SAXO1: variants seen among roughly 807,000 people sequenced by gnomAD.
SAXO1 encodes 4930500O09Rik.
Under a neutral mutation model 17.5 loss-of-function variants are expected in SAXO1, and 21 were observed. The ratio of observed to expected loss-of-function variants is 1.20; its 90% CI spans 0.85 to 1.72. The LOEUF (loss-of-function observed/expected upper bound fraction) is 1.72, where lower values mean the gene tolerates loss of function less well. Among genes scored for constraint, SAXO1 ranks in the 40% most tolerant of loss-of-function variants. The pLI, the probability that SAXO1 is intolerant of heterozygous loss-of-function variation, is 0.00. For missense variants in SAXO1, 843 were observed against 596.0 expected (o/e 1.41, Z -4.32); for synonymous variants, 274 against 216.5 (o/e 1.27, Z -2.33).
At chr9:18,995,008 T>C (rs1005992592) in intron 1 of SAXO1, among the ~76,000 whole-genome samples, 12 of 152,214 alleles carry the variant, frequency 7.9e-5, no homozygotes, top group African/African-American at 2.9e-4. Flanking sequence ...CATTAGACCA[T>C]CCAGGAAGAG....
At chr9:18,946,050 G>C (rs534186660) in intron 2 of SAXO1, among the ~76,000 whole-genome samples, 2 of 152,208 alleles carry the variant, frequency 1.3e-5, no homozygotes, top group African/African-American at 4.8e-5. Flanking sequence ...GCCAAGGCAG[G>C]CGGATCACCA....
intron 1 of SAXO1, among the ~76,000 whole-genome samples, chr9:19,043,887 A>G (rs1157715016): frequency 1.3e-5 from 2 of 152,046 alleles, no homozygotes; most frequent in African/African-American, 4.8e-5. Flanking sequence ...ACTCACGCCT[A>G]TAATCCCAGC....
In SAXO1 at chr9:19,032,890, A is replaced by G. The variant is rs761665245; in HGVS notation, c.19T>C (p.Cys7Arg). The G allele has an allele frequency of 6.2e-7, 1 of 1,610,842 alleles. No homozygotes were observed. Among genetic ancestry groups the G allele is most frequent in the Admixed American group, 1.7e-5 (1 of 59,970 alleles). MKTKCICELCSCGRHHC... is the reference protein window; with the variant it reads MKTKCIRELCSCGRHHC... ...CCTTACCCGCAGGAGCACAGTTCAC[A>G]GATGCACTTCGTCTTCATAGGGGCG... Residue 7 changes from cysteine to arginine, a missense_variant, in exon 1 of 4, where the codon TGT becomes CGT. Transcript: ENST00000380534.
intron 1 of SAXO1, chr9:19,026,957 G>A (rs984354761): frequency 2.0e-5 from 18 of 887,364 alleles, no homozygotes; most frequent in Middle Eastern, 4.6e-4. Flanking sequence ...ACATGTCCAC[G>A]GAGGAGATCA....
intron 3 of SAXO1, among the ~76,000 whole-genome samples, chr9:18,937,026 T>TTTGG (rs1489210583): frequency 6.6e-6 from 1 of 152,232 alleles, no homozygotes; most frequent in Non-Finnish European, 1.5e-5. Context: ...AACCTTGGTC[T>TTTGG]TTGGTTTCTC....
At chr9:18,960,698 A>T (rs7025416) in intron 1 of SAXO1, among the ~76,000 whole-genome samples, 23,567 of 152,100 alleles carry the variant, frequency 0.15, 3,866 homozygotes, top group African/African-American at 0.42. Flanking sequence ...CAAAAGACAC[A>T]TGAGTCCAGA....
chr9:18,929,019 G>A lies in SAXO1; in HGVS notation c.458C>T (p.Pro153Leu), dbSNP rs1830918538. The A allele has an allele frequency of 6.2e-7, 1 of 1,614,170 alleles. No individual in the cohort carries two copies. The highest frequency in any genetic ancestry group is 1.1e-5 in the South Asian group (1 of 91,070). Reference protein sequence around the residue: ...YLPWNQPRREPLRLEHKYQPA... With the variant: ...YLPWNQPRRELLRLEHKYQPA... ...CTGGTATTTGTGTTCCAGACGAAGTGGCTCTCGCCTTGGTTGGTTCCAAGG... is the reference window on the plus strand; with the variant it reads ...CTGGTATTTGTGTTCCAGACGAAGTAGCTCTCGCCTTGGTTGGTTCCAAGG... The change falls in exon 4 of 4, where the codon CCA (proline) becomes CTA (leucine). Residue 153 changes from proline to leucine, a missense_variant. Transcript: ENST00000380534.
intron 1 of SAXO1, among the ~76,000 whole-genome samples, chr9:19,046,331 G>GA (rs1426595897): frequency 3.9e-4 from 60 of 152,040 alleles, no homozygotes; most frequent in Admixed American, 3.9e-3. Flanking sequence ...ATTAGGATGA[G>GA]AAAAATCTCC....
chr9:18,936,805 T>C (rs1831313293), intron 3 of SAXO1, among the ~76,000 whole-genome samples: 1 of 152,204 alleles, frequency 6.6e-6, no homozygotes, highest in Admixed American at 6.5e-5. Context: ...ACACTCTCAA[T>C]CTTTCCAATT....
Position 19,019,873 on chromosome 9 carries a change from A to G in SAXO1, c.38+12998T>C, listed in dbSNP as rs141011102. On this transcript the variant is annotated intron_variant, in intron 1 of 3. Transcript: ENST00000380534. ...CTTGGTTCCACATTCTGAACAACCCAGAACAAGTAAAAGCCCTCTTCTGTA... is the reference window on the plus strand; with the variant it reads ...CTTGGTTCCACATTCTGAACAACCCGGAACAAGTAAAAGCCCTCTTCTGTA... 3.6e-3 allele frequency among the ~76,000 whole-genome samples: 545 copies of G among 152,338 alleles called. 1 individual carries two copies. Among genetic ancestry groups the G allele is most frequent in the Middle Eastern group, 0.01 (3 of 294 alleles).
At chr9:18,976,707 T>C (rs1833167668) in intron 1 of SAXO1, among the ~76,000 whole-genome samples, 1 of 152,242 alleles carries the variant, frequency 6.6e-6, no homozygotes, top group Non-Finnish European at 1.5e-5. Flanking sequence ...CTTGTGGTTG[T>C]AATCTTACAC....
chr9:19,002,928 A>G lies in SAXO1; in HGVS notation c.38+29943T>C, dbSNP rs143544482. ...CAAGAGAAAGAAATAAAAGGTATTC[A>G]ATTAAGCAAAGACGAAGTCAAATTG... On this transcript the variant is annotated intron_variant, in intron 1 of 3. Coordinates refer to ENST00000380534, the MANE Select transcript of SAXO1 (RefSeq NM_153707.4). 3.0e-3 allele frequency among the ~76,000 whole-genome samples: 459 copies of G among 152,358 alleles called. 8 individuals carry two copies. The South Asian group carries it at 0.044, about 15-fold the overall frequency.
chr9:18,946,696 G>A (rs1271714543), intron 2 of SAXO1, among the ~76,000 whole-genome samples: 1 of 151,906 alleles, frequency 6.6e-6, no homozygotes, highest in East Asian at 1.9e-4. Flanking sequence ...ACCAGACATT[G>A]GAATTAGCAG....
chr9:18,945,063 T>G (rs1322276168), intron 2 of SAXO1, among the ~76,000 whole-genome samples: 1 of 152,166 alleles, frequency 6.6e-6, no homozygotes, highest in East Asian at 1.9e-4. Flanking sequence ...ACTGCCTCCT[T>G]TCTCCATTGA....
At chr9:18,976,036 G>A (rs1208886028) in intron 1 of SAXO1, among the ~76,000 whole-genome samples, 3 of 152,188 alleles carry the variant, frequency 2.0e-5, no homozygotes, top group African/African-American at 4.8e-5. Flanking sequence ...AATTATCATC[G>A]AAAGGTAATC....
At chr9:19,017,014 T>A (rs911515157) in intron 1 of SAXO1, among the ~76,000 whole-genome samples, 1 of 151,744 alleles carries the variant, frequency 6.6e-6, no homozygotes, top group South Asian at 2.1e-4. Flanking sequence ...GCAACTTCAA[T>A]GCAGACCAAT....
intron 1 of SAXO1, among the ~76,000 whole-genome samples, chr9:18,972,023 G>A (rs1832962145): frequency 6.6e-6 from 1 of 152,144 alleles, no homozygotes; most frequent in Non-Finnish European, 1.5e-5. Flanking sequence ...TGGAAAAATT[G>A]TACTTTTGGT....
Position 19,043,675 on chromosome 9 carries a change from G to A in SAXO1, c.-158+5534C>T, listed in dbSNP as rs190976091. On this transcript the variant is annotated intron_variant, in intron 1 of 3. Transcript: ENST00000542071. ...CCAGCTACTCGGGGGCACTGATGTG[G>A]GAGGATTGCTTGAGCCCAGGAGGTG... Among the ~76,000 whole-genome samples the A allele has an allele frequency of 1.1e-4, 17 of 152,228 alleles. No individual in the cohort carries two copies. In the East Asian group the frequency reaches 3.3e-3, roughly 29 times the overall value.
In SAXO1 at chr9:18,999,579, T is replaced by A. The variant is rs192941613; in HGVS notation, c.38+33292A>T. 2.2e-3 allele frequency among the ~76,000 whole-genome samples: 307 copies of A among 138,628 alleles called. 12 individuals are homozygous for A. The highest frequency in any genetic ancestry group is 9.6e-3 in the Middle Eastern group (2 of 208). 90.9% of individuals were successfully genotyped at this position (138,628 alleles called of 152,430 possible). A position where few individuals can be genotyped will look rare whatever the true frequency, so the allele number is the denominator to read the frequency against. On this transcript the variant is annotated intron_variant, in intron 1 of 3. Transcript: ENST00000380534. ...GCGCCGCTGCCTGGCCGCCACACCA[T>A]CTGGGAAGTGAGGAGCGCCTCTGCC...
Sources: gnomAD v4.1 joint callset for allele counts (sites outside exome capture counted in the v4.1 genomes callset) on GRCh38, gnomAD v4.1.1 for gene constraint, MANE v1.5 for transcripts, NCBI Gene and HGNC (gene_info 2026-07-23, HGNC 2026-07-21) for gene names.